FAM171B: variants seen among roughly 807,000 people sequenced by gnomAD.
FAM171B encodes family with sequence similarity 171 member B.
A neutral mutation model predicts 75.6 loss-of-function variants in FAM171B; 19 were observed. That is an observed-to-expected ratio of 0.25 (90% CI 0.18 to 0.37). FAM171B has a LOEUF of 0.37. Ranked by LOEUF, FAM171B falls within the 10% of genes least tolerant of loss-of-function variation. FAM171B has a pLI of 1.00. For missense variants in FAM171B, 848 were observed against 982.4 expected, an observed-to-expected ratio of 0.86 and a Z score of 1.83; for synonymous variants, 367 against 361.7, an observed-to-expected ratio of 1.01 and a Z score of -0.17.
chr2:186,747,680 T>G (rs995904821), intron 4 of FAM171B, among the ~76,000 whole-genome samples: 1 of 152,144 alleles, frequency 6.6e-6, no homozygotes, highest in African/African-American at 2.4e-5. Flanking sequence ...GAAAAAAGTT[T>G]ATAGATTGGA....
At chr2:186,724,093 T>C (rs576070486) in intron 1 of FAM171B, among the ~76,000 whole-genome samples, 9 of 152,152 alleles carry the variant, frequency 5.9e-5, no homozygotes, top group Admixed American at 1.3e-4. Context: ...AAAAAATAGA[T>C]CAAAGTTGAG....
At chr2:186,731,670 G>T (rs1350306959) in intron 1 of FAM171B, among the ~76,000 whole-genome samples, 2 of 152,044 alleles carry the variant, frequency 1.3e-5, no homozygotes, top group East Asian at 1.9e-4. Context: ...GACACAGACA[G>T]ATACAGATAC....
rs1690321294 is a variant in FAM171B, at chr2:186,743,428, TA to T, written c.473-54del. 4.0e-6 allele frequency: 5 copies of T among 1,237,900 alleles called. No individual in the cohort carries two copies. The Admixed American group carries it at 9.0e-5, about 22-fold the overall frequency. The allele number at this position is 1,237,900 out of a possible 1,614,324, so 76.7% of individuals were successfully genotyped here. On this transcript the variant is annotated intron_variant, in intron 2 of 7. Coordinates refer to ENST00000304698, the MANE Select transcript of FAM171B (RefSeq NM_177454.4). ...TGCTGTTACAGAACTATATTTGTCC[TA>T]GTTTTTTTCCCCTCACATTAAGTAA...
chr2:186,754,216 G>A (rs1690497455), intron 6 of FAM171B, among the ~76,000 whole-genome samples, 167 bp downstream of exon 6: 1 of 151,998 alleles, frequency 6.6e-6, no homozygotes, highest in African/African-American at 2.4e-5. Context: ...ATCAGATTAA[G>A]CGCCATGAAC....
intron 1 of FAM171B, among the ~76,000 whole-genome samples, chr2:186,709,972 A>T (rs1689787654): frequency 6.6e-6 from 1 of 152,184 alleles, no homozygotes; most frequent in South Asian, 2.1e-4. Flanking sequence ...TTTTCGGGTT[A>T]GCCTAGAGAT....
intron 6 of FAM171B, among the ~76,000 whole-genome samples, chr2:186,758,571 T>C (rs1447531717): frequency 6.6e-6 from 1 of 152,132 alleles, no homozygotes; most frequent in Non-Finnish European, 1.5e-5. Context: ...TACTGATAAG[T>C]AGATTTATTA....
At chr2:186,744,198 C>T (rs2105787316) in intron 3 of FAM171B, among the ~76,000 whole-genome samples, 1 of 152,222 alleles carries the variant, frequency 6.6e-6, no homozygotes, top group Non-Finnish European at 1.5e-5. Context: ...TTTTAGGAAA[C>T]CTCTATAAAT....
intron 6 of FAM171B, 148 bp from the exon 7 acceptor site, chr2:186,760,965 T>A (rs1690605307): frequency 5.3e-6 from 4 of 748,256 alleles, no homozygotes; most frequent in Non-Finnish European, 8.4e-6. Flanking sequence ...AGGGAAGGTT[T>A]ACTTCACCCA....
chr2:186,743,504 C>T lies in FAM171B; in HGVS notation c.494C>T (p.Ser165Leu). Residue 165 changes from serine to leucine, a missense_variant, in exon 3 of 8, where the codon TCA (serine) becomes TTA (leucine). Transcript: ENST00000304698. ...RMPIYSSVTLSLFPQSQANIW... is the reference protein window; with the variant it reads ...RMPIYSSVTLLLFPQSQANIW... ...ACAGTATATTCATCAGTTACACTTT[C>T]ACTGTTCCCGCAAAGCCAAGCAAAT... 1 of 1,611,804 alleles carries T rather than the reference C, an allele frequency of 6.2e-7. No homozygotes were observed. Among genetic ancestry groups the T allele is most frequent in the Non-Finnish European group, 8.5e-7 (1 of 1,178,140 alleles).
chr2:186,761,092 T>C (rs753868286), intron 6 of FAM171B, 21 bp from the exon 7 acceptor site: 50 of 1,581,560 alleles, frequency 3.2e-5, no homozygotes, highest in African/African-American at 4.1e-5. Context: ...ATTTTCTCTT[T>C]GTTTATATTG....
intron 1 of FAM171B, among the ~76,000 whole-genome samples, chr2:186,705,556 T>C (rs1689722258): frequency 6.6e-6 from 1 of 152,132 alleles, no homozygotes. Context: ...CTCTGACCCC[T>C]GAAAGGGGTC....
intron 1 of FAM171B, among the ~76,000 whole-genome samples, chr2:186,733,085 C>T (rs1046140906): frequency 3.9e-5 from 6 of 152,240 alleles, no homozygotes; most frequent in African/African-American, 1.2e-4. Context: ...ATCTGATTAC[C>T]GACTGTAACA....
At position 186,763,700 on chromosome 2, in the gene FAM171B, C is replaced by CTCAG. The variant is rs1470926014; in HGVS notation, c.*881_*884dup. 4.6e-5 allele frequency: 7 copies of CTCAG among 151,894 alleles called. No individual in the cohort carries two copies. The highest frequency in any genetic ancestry group is 1.7e-4 in the African/African-American group (7 of 41,356). 9.4% of individuals were successfully genotyped at this position (151,894 alleles called of 1,614,324 possible). On this transcript the variant is annotated 3_prime_UTR_variant, in exon 8 of 8. Coordinates refer to ENST00000304698, the MANE Select transcript of FAM171B (RefSeq NM_177454.4). Reference sequence around the variant, plus strand: ...ATTTCTTCTATTCTAAAAACCTGAACTCAGTCACTTAAAGGCTATGAAATT... The same window carrying CTCAG: ...ATTTCTTCTATTCTAAAAACCTGAACTCAGTCAGTCACTTAAAGGCTATGAAATT...
At position 186,765,297 on chromosome 2, in the gene FAM171B, G is replaced by A. The variant is rs1393889099; in HGVS notation, c.*2474G>A. ...TTTTGGTCACAAATTGTTAACATTT[G>A]TCGATCCTTTGTATATACTTTGGAT... On this transcript the variant is annotated 3_prime_UTR_variant, in exon 8 of 8. Coordinates refer to ENST00000304698, the MANE Select transcript of FAM171B (RefSeq NM_177454.4). 2.0e-5 allele frequency: 3 copies of A among 151,910 alleles called. No individual in the cohort carries two copies. Among genetic ancestry groups the A allele is most frequent in the Non-Finnish European group, 4.4e-5 (3 of 67,906 alleles). The allele number at this position is 151,910 out of a possible 1,614,324, so 9.4% of individuals were successfully genotyped here.
rs538408612 is a variant in FAM171B, at chr2:186,733,635, C to G, written c.239-6593C>G. On this transcript the variant is annotated intron_variant, in intron 1 of 7. Transcript: ENST00000304698. ...GCCAGGCACAGAACATTGAGGGGTG[C>G]ATGAGTGAGTGAGTGTGGGTGAGTG... Among the ~76,000 whole-genome samples the G allele has an allele frequency of 3.9e-5, 6 of 152,304 alleles. No homozygotes were observed. The South Asian group carries it at 1.0e-3, about 26-fold the overall frequency.
Position 186,694,104 on chromosome 2 carries a change from C to G in FAM171B, c.-70C>G. ...GCGAGCGAGCGGGCGCTGCCAGGAGCCCGCAGCCCTGGCGCCCGCCGCCGC... is the reference window on the plus strand; with the variant it reads ...GCGAGCGAGCGGGCGCTGCCAGGAGGCCGCAGCCCTGGCGCCCGCCGCCGC... On this transcript the variant is annotated 5_prime_UTR_variant, in exon 1 of 8. Coordinates refer to ENST00000304698, the MANE Select transcript of FAM171B (RefSeq NM_177454.4). 7.2e-7 allele frequency: 1 copy of G among 1,395,654 alleles called. No homozygotes were observed. The highest frequency in any genetic ancestry group is 9.2e-7 in the Non-Finnish European group (1 of 1,083,702). 86.5% of individuals were successfully genotyped at this position (1,395,654 alleles called of 1,614,324 possible).
At chr2:186,717,021 A>G (rs1574100357) in intron 1 of FAM171B, among the ~76,000 whole-genome samples, 2 of 152,142 alleles carry the variant, frequency 1.3e-5, no homozygotes, top group African/African-American at 4.8e-5. Flanking sequence ...GCAGACAGGT[A>G]GTGTAACTTG....
chr2:186,698,743 A>G (rs953237907), intron 1 of FAM171B, among the ~76,000 whole-genome samples: 2 of 152,136 alleles, frequency 1.3e-5, no homozygotes, highest in African/African-American at 4.8e-5. Flanking sequence ...CTACCTGACT[A>G]TATTTTTATA....
At chr2:186,715,826 A>T (rs1689867522) in intron 1 of FAM171B, among the ~76,000 whole-genome samples, 1 of 152,156 alleles carries the variant, frequency 6.6e-6, no homozygotes, top group Non-Finnish European at 1.5e-5. Context: ...TTGGGTTTGT[A>T]TTTTTATATT....
Sources: gnomAD v4.1 joint callset for allele counts (sites outside exome capture counted in the v4.1 genomes callset) on GRCh38, gnomAD v4.1.1 for gene constraint, MANE v1.5 for transcripts, NCBI Gene and HGNC (gene_info 2026-07-23, HGNC 2026-07-21) for gene names.